Variants in C16orf78 observed in about 807,000 individuals in gnomAD.
The protein encoded by C16orf78 is chromosome 16 open reading frame 78, also known as uncharacterized protein C16orf78.
In C16orf78, 19 loss-of-function variants were observed where a neutral mutation model predicts 27.3. That is an observed-to-expected ratio of 0.70 (90% CI 0.49 to 1.02). C16orf78 has a LOEUF of 1.02. Ranked by LOEUF, C16orf78 falls within the 50% of genes least tolerant of loss-of-function variation. The pLI, the probability that C16orf78 is intolerant of heterozygous loss-of-function variation, is 0.00. For missense variants in C16orf78, 339 were observed against 337.0 expected (o/e 1.01, Z -0.05); for synonymous variants, 130 against 116.1 (o/e 1.12, Z -0.77).
intron 3 of C16orf78, among the ~76,000 whole-genome samples, chr16:49,385,395 A>G (rs152649): frequency 0.4 from 60,424 of 152,014 alleles, 14,324 homozygotes; most frequent in African/African-American, 0.67. Context: ...TTTTATGGCC[A>G]GGCACAGTGG....
chr16:49,374,476 T>C (rs1965191605), intron 1 of C16orf78, among the ~76,000 whole-genome samples: 1 of 152,220 alleles, frequency 6.6e-6, no homozygotes, highest in Non-Finnish European at 1.5e-5. Context: ...AAATCCAAGT[T>C]TTCTAGAGGA....
At chr16:49,379,855 T>C (rs1348371640) in intron 3 of C16orf78, among the ~76,000 whole-genome samples, 16 of 152,200 alleles carry the variant, frequency 1.1e-4, no homozygotes, top group Admixed American at 1.0e-3. Context: ...CAAAGTATTG[T>C]TCCTAGGTGT....
chr16:49,395,330 A>T (rs1965458554), intron 3 of C16orf78, among the ~76,000 whole-genome samples: 1 of 152,240 alleles, frequency 6.6e-6, no homozygotes, highest in South Asian at 2.1e-4. Flanking sequence ...AAATTTAGCA[A>T]GAAAAAAATA....
chr16:49,397,702 T>C (rs1004196587), intron 4 of C16orf78, among the ~76,000 whole-genome samples: 1 of 152,140 alleles, frequency 6.6e-6, no homozygotes, highest in Non-Finnish European at 1.5e-5. Flanking sequence ...GGAAAGAATA[T>C]TTGAAGAGGT....
At chr16:49,389,266 T>C (rs1362338851) in intron 3 of C16orf78, among the ~76,000 whole-genome samples, 1 of 152,006 alleles carries the variant, frequency 6.6e-6, no homozygotes, top group Non-Finnish European at 1.5e-5. Context: ...CTACTAAAAA[T>C]ACAAAAATTA....
chr16:49,392,726 T>C (rs558150127), intron 3 of C16orf78, among the ~76,000 whole-genome samples: 2 of 152,294 alleles, frequency 1.3e-5, no homozygotes, highest in East Asian at 3.9e-4. Flanking sequence ...TAGGAGTACA[T>C]GTGCGGGTTT....
At chr16:49,398,796 G>T (rs1246971335) in intron 4 of C16orf78, among the ~76,000 whole-genome samples, 1 of 152,184 alleles carries the variant, frequency 6.6e-6, no homozygotes, top group Non-Finnish European at 1.5e-5. Context: ...ATCCCAAAAT[G>T]AACATCTTTT....
Position 49,394,909 on chromosome 16 carries a change from C to T in C16orf78, c.395-1514C>T, listed in dbSNP as rs149003185. Among the ~76,000 whole-genome samples, 874 of 152,112 alleles carry T rather than the reference C, an allele frequency of 5.7e-3. 10 individuals carry two copies. The highest frequency in any genetic ancestry group is 0.02 in the African/African-American group (840 of 41,484). ...TTGAGACAGGGTCTTACTCTGTCAC[C>T]CAGGCTGAAGTGCAGTGGTGTGATC... On this transcript the variant is annotated intron_variant, in intron 3 of 4. Transcript: ENST00000299191.
intron 3 of C16orf78, among the ~76,000 whole-genome samples, chr16:49,388,655 G>A (rs1165577461): frequency 3.9e-5 from 6 of 152,168 alleles, no homozygotes; most frequent in Admixed American, 2.6e-4. Context: ...GGGATTACAG[G>A]TGCACGCCAC....
intron 4 of C16orf78, among the ~76,000 whole-genome samples, chr16:49,397,371 G>GT (rs1324174719): frequency 2.0e-5 from 3 of 152,214 alleles, no homozygotes; most frequent in African/African-American, 7.2e-5. Flanking sequence ...CATCATCCTT[G>GT]TAAGGTTGAC....
chr16:49,394,094 A>T (rs1473497647), intron 3 of C16orf78, among the ~76,000 whole-genome samples: 1 of 152,166 alleles, frequency 6.6e-6, no homozygotes, highest in Admixed American at 6.5e-5. Context: ...CCACTAAAAA[A>T]TGGCACTAAG....
intron 3 of C16orf78, among the ~76,000 whole-genome samples, chr16:49,387,769 C>A (rs948251804): frequency 2.6e-5 from 4 of 152,114 alleles, no homozygotes; most frequent in African/African-American, 9.7e-5. Context: ...TCAGTTTCTT[C>A]CTGGTTCAGT....
intron 3 of C16orf78, among the ~76,000 whole-genome samples, chr16:49,386,780 G>T (rs1965356700): frequency 6.6e-6 from 1 of 152,022 alleles, no homozygotes; most frequent in South Asian, 2.1e-4. Context: ...ATATGGTCTT[G>T]TTCTTTTTAT....
At position 49,378,655 on chromosome 16, in the gene C16orf78, G is replaced by T. The variant is rs2096377607; in HGVS notation, c.394+62G>T. 4 of 1,601,838 alleles carry T rather than the reference G, an allele frequency of 2.5e-6. No individual in the cohort carries two copies. The African/African-American group carries it at 5.4e-5, about 22-fold the overall frequency. ...TGCTCCATAATCTCCTCCTCTAGAA[G>T]AAACCGAAAGCTCACGCCATTCTTA... On this transcript the variant is annotated intron_variant, in intron 3 of 4. Coordinates refer to ENST00000299191, the MANE Select transcript of C16orf78 (RefSeq NM_144602.4).
At chr16:49,381,387 T>C (rs1965285300) in intron 3 of C16orf78, among the ~76,000 whole-genome samples, 1 of 152,156 alleles carries the variant, frequency 6.6e-6, no homozygotes, top group South Asian at 2.1e-4. Context: ...TTTATTCTCT[T>C]TGAAGCAATT....
intron 1 of C16orf78, among the ~76,000 whole-genome samples, chr16:49,375,027 TTTG>T (rs1358384726): frequency 6.6e-6 from 1 of 152,198 alleles, no homozygotes; most frequent in Non-Finnish European, 1.5e-5. Flanking sequence ...TGTGCTTAGA[TTTG>T]TACCTGGGTT....
chr16:49,388,754 T>C (rs1265529633), intron 3 of C16orf78, among the ~76,000 whole-genome samples: 1 of 152,194 alleles, frequency 6.6e-6, no homozygotes, highest in Non-Finnish European at 1.5e-5. Flanking sequence ...GCTCAAGCAA[T>C]GTGCCTAACT....
At chr16:49,392,235 A>G (rs1965421479) in intron 3 of C16orf78, among the ~76,000 whole-genome samples, 1 of 152,390 alleles carries the variant, frequency 6.6e-6, no homozygotes. Flanking sequence ...TGCATTACTA[A>G]GAGTAAAGAC....
Position 49,373,880 on chromosome 16 carries a change from G to A in C16orf78, c.-60G>A, listed in dbSNP as rs888510324. 4 of 1,595,266 alleles carry A rather than the reference G, an allele frequency of 2.5e-6. No homozygotes were observed. The highest frequency in any genetic ancestry group is 3.4e-5 in the Admixed American group (2 of 59,414). ...CCAGGCCATCAAGTCCAGACAAAGG[G>A]ATCGAAAGAGTGAGACAGTGCCAGC... On this transcript the variant is annotated 5_prime_UTR_variant, in exon 1 of 5. Transcript: ENST00000299191.
Sources: allele counts gnomAD v4.1 joint callset (sites outside exome capture counted in the v4.1 genomes callset), GRCh38; gene constraint gnomAD v4.1.1; transcripts MANE v1.5; gene names NCBI Gene and HGNC (gene_info 2026-07-23, HGNC 2026-07-21).